The following ABCA6 variants were observed in gnomAD, a reference collection of about 807,000 sequenced individuals.
The protein encoded by ABCA6 is ATP-binding cassette sub-family A member 6.
In ABCA6, 164 loss-of-function variants were observed where a neutral mutation model predicts 191.2. The ratio of observed to expected loss-of-function variants is 0.86; its 90% CI spans 0.76 to 0.98. The LOEUF (loss-of-function observed/expected upper bound fraction) is 0.98, where lower values mean the gene tolerates loss of function less well. Among genes scored for constraint, ABCA6 ranks in the 50% least tolerant of loss-of-function variants. The probability of loss-of-function intolerance (pLI) is 0.00; values close to 1 mark genes in which losing one functional copy is unlikely to be tolerated. For missense variants in ABCA6, 1,958 were observed against 1,894.1 expected (o/e 1.03, Z -0.63); for synonymous variants, 636 against 647.7 (o/e 0.98, Z 0.27).
At chr17:69,138,377 C>T (rs547285651) in intron 2 of ABCA6, among the ~76,000 whole-genome samples, 50 of 152,234 alleles carry the variant, frequency 3.3e-4, no homozygotes, top group African/African-American at 1.2e-3. Context: ...TTGAAGAGGT[C>T]CTTCACGTCC....
rs767764325 is a variant in ABCA6 at position 69,106,025 on chromosome 17, C to T, written c.2573+3G>A. On this transcript the variant is annotated splice_donor_region_variant and intron_variant, in intron 19 of 38. Coordinates refer to ENST00000284425, the MANE Select transcript of ABCA6 (RefSeq NM_080284.3). Reference sequence around the variant, plus strand: ...AACAAAACCACAGTACTCTCCTACTCACAGGGTCAATAACACTTTAGTTTG... The same window carrying T: ...AACAAAACCACAGTACTCTCCTACTTACAGGGTCAATAACACTTTAGTTTG... The T allele has an allele frequency of 3.6e-5, 57 of 1,605,092 alleles. No individual in the cohort carries two copies. Among genetic ancestry groups the T allele is most frequent in the Non-Finnish European group, 3.6e-5 (42 of 1,176,154 alleles).
chr17:69,120,906 T>G (rs2073628201), intron 10 of ABCA6, among the ~76,000 whole-genome samples: 1 of 152,016 alleles, frequency 6.6e-6, no homozygotes, highest in Non-Finnish European at 1.5e-5. Context: ...AAAATGTATA[T>G]TTTTACAAAC....
chr17:69,128,674 A>G lies in ABCA6; in HGVS notation c.1064T>C (p.Leu355Pro). The change falls in exon 8 of 39, where the codon CTG becomes CCG. Residue 355 changes from leucine to proline, a missense_variant. Leu to Pro is a moderately conservative substitution (Grantham distance 98, BLOSUM62 -3). Coordinates refer to ENST00000284425, the MANE Select transcript of ABCA6 (RefSeq NM_080284.3). ...TVFYEQLPSSLEWILNICSPF... is the reference protein window; with the variant it reads ...TVFYEQLPSSPEWILNICSPF... ...GCTACAAATATTCAAAATCCACTCC[A>G]GAGATGAAGGAAGTTGTTCATAAAA... The G allele has an allele frequency of 1.2e-6, 2 of 1,613,538 alleles. No homozygotes were observed. The highest frequency in any genetic ancestry group is 1.7e-4 in the Middle Eastern group (1 of 6,054).
intron 15 of ABCA6, 56 bp from the exon 16 acceptor site, chr17:69,112,329 A>G: frequency 2.1e-6 from 3 of 1,399,770 alleles, no homozygotes; most frequent in Admixed American, 3.4e-5. Flanking sequence ...TTCTTTCTCT[A>G]GTAAAGAAAG....
intron 10 of ABCA6, 26 bp from the exon 11 acceptor site, chr17:69,117,982 T>G: frequency 6.5e-7 from 1 of 1,536,114 alleles, no homozygotes; most frequent in African/African-American, 1.4e-5. Flanking sequence ...GGGTGCTTAC[T>G]TAGCCAACAC....
At chr17:69,107,373 C>T (rs1160645268) in intron 18 of ABCA6, among the ~76,000 whole-genome samples, 1 of 152,064 alleles carries the variant, frequency 6.6e-6, no homozygotes, top group African/African-American at 2.4e-5. Context: ...AAGCTAACAG[C>T]AATTTTTATT....
chr17:69,138,715 C>T (rs548699933), intron 2 of ABCA6, among the ~76,000 whole-genome samples: 7 of 151,018 alleles, frequency 4.6e-5, no homozygotes, highest in Admixed American at 2.6e-4. Flanking sequence ...GCCACAGTAA[C>T]CAAAACAGCA....
chr17:69,119,503 T>C (rs1323503879), intron 10 of ABCA6, among the ~76,000 whole-genome samples: 1 of 152,082 alleles, frequency 6.6e-6, no homozygotes, highest in Non-Finnish European at 1.5e-5. Flanking sequence ...GGAAACAGGG[T>C]GATTTATTTT....
intron 25 of ABCA6, 132 bp downstream of exon 25, chr17:69,096,108 C>T: frequency 2.6e-6 from 1 of 381,614 alleles, no homozygotes; most frequent in Non-Finnish European, 4.7e-6. Flanking sequence ...TTACACTTCC[C>T]TCTCTTTTCT....
chr17:69,139,933 T>A (rs2074003057), intron 2 of ABCA6, among the ~76,000 whole-genome samples: 1 of 119,530 alleles, frequency 8.4e-6, no homozygotes, highest in Non-Finnish European at 1.7e-5. Context: ...AACATCACAC[T>A]CTGGGGCCTG....
At chr17:69,125,143 T>C in intron 8 of ABCA6, 108 bp from the exon 9 acceptor site, 1 of 446,208 alleles carries the variant, frequency 2.2e-6, no homozygotes, top group Admixed American at 4.4e-5. Context: ...AGGCACTTAG[T>C]AGTTACTAGT....
chr17:69,121,000 A>C (rs991971088), intron 10 of ABCA6, among the ~76,000 whole-genome samples: 2 of 152,060 alleles, frequency 1.3e-5, no homozygotes, highest in African/African-American at 2.4e-5. Context: ...ATACCCTGTA[A>C]GCTCTATGTA....
rs191339326 is a variant in ABCA6, at chr17:69,081,301, T to C, written c.4617-156A>G. ...TATGAAATCACAGCATTGTTTTGAA[T>C]TGCTTTTTGGTATCTGGCTGTTGCA... is the stretch of plus-strand genomic sequence containing the variant. On this transcript the variant is annotated intron_variant, in intron 36 of 38. Coordinates refer to ENST00000284425, the MANE Select transcript of ABCA6 (RefSeq NM_080284.3). 2.0e-5 allele frequency among the ~76,000 whole-genome samples: 3 copies of C among 152,350 alleles called. No individual in the cohort carries two copies. In the East Asian group the frequency reaches 5.8e-4, roughly 29 times the overall value.
intron 6 of ABCA6, among the ~76,000 whole-genome samples, chr17:69,130,791 C>T (rs1307032945): frequency 6.6e-6 from 1 of 152,176 alleles, no homozygotes; most frequent in Non-Finnish European, 1.5e-5. Flanking sequence ...GATAATTTGA[C>T]TATCCATGGG....
Position 69,088,073 on chromosome 17 carries a change from TA to T in ABCA6, c.3698+93del. The T allele has an allele frequency of 9.1e-6, 10 of 1,101,054 alleles. No individual in the cohort carries two copies. In the South Asian group the frequency reaches 1.8e-4, roughly 19 times the overall value. The allele number at this position is 1,101,054 out of a possible 1,614,324, so 68.2% of individuals were successfully genotyped here. On this transcript the variant is annotated intron_variant, in intron 28 of 38. Coordinates refer to ENST00000284425, the MANE Select transcript of ABCA6 (RefSeq NM_080284.3). ...TGACAATCAACATGTGCTTCCACTG[TA>T]AATGTAAATCTGTATTAACAAGATG...
intron 22 of ABCA6, among the ~76,000 whole-genome samples, chr17:69,099,105 C>T (rs934221015): frequency 4.6e-5 from 7 of 151,340 alleles, no homozygotes; most frequent in Admixed American, 1.3e-4. Context: ...AAGAAGAAAA[C>T]TTGTTGCTGC....
At chr17:69,127,510 T>C (rs1424128555) in intron 8 of ABCA6, among the ~76,000 whole-genome samples, 1 of 152,068 alleles carries the variant, frequency 6.6e-6, no homozygotes, top group African/African-American at 2.4e-5. Context: ...CCACTAAGCA[T>C]ATACAAAGGC....
At chr17:69,115,530 C>T in intron 11 of ABCA6, 44 bp from the exon 12 acceptor site, 1 of 1,484,948 alleles carries the variant, frequency 6.7e-7, no homozygotes, top group East Asian at 2.3e-5. Flanking sequence ...ACAGTATAAA[C>T]AGAAAGGCAT....
chr17:69,127,205 C>G (rs2073770031), intron 8 of ABCA6, among the ~76,000 whole-genome samples: 1 of 152,078 alleles, frequency 6.6e-6, no homozygotes, highest in Admixed American at 6.6e-5. Context: ...GAAAAACAGC[C>G]AGAAAATATC....
Sources: allele counts gnomAD v4.1 joint callset (sites outside exome capture counted in the v4.1 genomes callset), GRCh38; gene constraint gnomAD v4.1.1; transcripts MANE v1.5; gene names NCBI Gene and HGNC (gene_info 2026-07-23, HGNC 2026-07-21).